Variants in TNFRSF21 observed in about 807,000 individuals in gnomAD.
TNFRSF21 encodes TNF receptor superfamily member 21, also known as tumor necrosis factor receptor superfamily member 21.
Under a neutral mutation model 45.6 loss-of-function variants are expected in TNFRSF21, and 19 were observed. The observed-to-expected ratio is 0.42, with a 90% CI of 0.29 to 0.61. TNFRSF21 has a LOEUF of 0.61. Ranked by LOEUF, TNFRSF21 falls within the 20% of genes least tolerant of loss-of-function variation. The probability of loss-of-function intolerance (pLI) is 0.23; values close to 1 mark genes in which losing one functional copy is unlikely to be tolerated. For missense variants in TNFRSF21, 737 were observed against 851.5 expected, an observed-to-expected ratio of 0.87 and a Z score of 1.67; for synonymous variants, 314 against 335.5, an observed-to-expected ratio of 0.94 and a Z score of 0.70.
At chr6:47,290,518 T>C (rs12214019) in intron 1 of TNFRSF21, among the ~76,000 whole-genome samples, 4 of 151,758 alleles carry the variant, frequency 2.6e-5, no homozygotes, top group Non-Finnish European at 5.9e-5. Flanking sequence ...AAAACCCACC[T>C]CCAAACCCCA....
chr6:47,301,402 T>C (rs1561953760), intron 1 of TNFRSF21, among the ~76,000 whole-genome samples: 1 of 152,224 alleles, frequency 6.6e-6, no homozygotes, highest in Non-Finnish European at 1.5e-5. Flanking sequence ...TGACCAGGTC[T>C]GCAAGGTTTA....
chr6:47,304,561 G>A (rs189336776), intron 1 of TNFRSF21, among the ~76,000 whole-genome samples: 101 of 152,316 alleles, frequency 6.6e-4, no homozygotes, highest in African/African-American at 2.0e-3. Flanking sequence ...CATACCTGGA[G>A]AAAAGGACTG....
intron 1 of TNFRSF21, among the ~76,000 whole-genome samples, chr6:47,304,354 C>A (rs927638904): frequency 2.6e-5 from 4 of 151,878 alleles, no homozygotes; most frequent in Non-Finnish European, 5.9e-5. Context: ...TATGAAGGAC[C>A]AGCTGAACAC....
At chr6:47,260,692 A>G (rs1765063334) in intron 3 of TNFRSF21, among the ~76,000 whole-genome samples, 1 of 152,232 alleles carries the variant, frequency 6.6e-6, no homozygotes, top group Non-Finnish European at 1.5e-5. Context: ...GATGAGGTAT[A>G]AAGGACAGTG....
At chr6:47,234,988 T>C in intron 4 of TNFRSF21, 90 bp from the exon 5 acceptor site, 4 of 722,840 alleles carry the variant, frequency 5.5e-6, no homozygotes, top group Non-Finnish European at 8.1e-6. Context: ...TTTTGTTCCA[T>C]TTAACATTTT....
At chr6:47,273,472 T>TC (rs1762455834) in intron 3 of TNFRSF21, among the ~76,000 whole-genome samples, 2 of 152,168 alleles carry the variant, frequency 1.3e-5, no homozygotes, top group African/African-American at 4.8e-5. Flanking sequence ...CGCTTCATGC[T>TC]AAAAAATCTC....
intron 3 of TNFRSF21, among the ~76,000 whole-genome samples, chr6:47,281,957 T>C (rs925615489): frequency 6.6e-6 from 1 of 152,166 alleles, no homozygotes; most frequent in African/African-American, 2.4e-5. Context: ...GATGTTTGCC[T>C]CTGCCCGACT....
intron 1 of TNFRSF21, among the ~76,000 whole-genome samples, chr6:47,298,212 G>T (rs1304813658): frequency 6.7e-6 from 1 of 149,980 alleles, no homozygotes; most frequent in East Asian, 2.0e-4. Context: ...AGGGCAAGGA[G>T]AGAGGATTGC....
intron 1 of TNFRSF21, among the ~76,000 whole-genome samples, chr6:47,303,796 T>C (rs994918733): frequency 1.3e-5 from 2 of 152,242 alleles, no homozygotes; most frequent in Non-Finnish European, 2.9e-5. Flanking sequence ...TTTTATTTTT[T>C]GGTATTTGAC....
intron 3 of TNFRSF21, among the ~76,000 whole-genome samples, chr6:47,279,654 A>G (rs540257952): frequency 6.6e-6 from 1 of 152,214 alleles, no homozygotes; most frequent in South Asian, 2.1e-4. Flanking sequence ...ACCCCATTAC[A>G]TTGAGGTTAT....
chr6:47,254,474 A>G (rs1158275863), intron 3 of TNFRSF21, among the ~76,000 whole-genome samples: 1 of 152,254 alleles, frequency 6.6e-6, no homozygotes, highest in Non-Finnish European at 1.5e-5. Context: ...ACTAAATACA[A>G]TAGTAACCAA....
intron 1 of TNFRSF21, among the ~76,000 whole-genome samples, chr6:47,298,887 C>A (rs2113869695): frequency 6.6e-6 from 1 of 152,310 alleles, no homozygotes; most frequent in Non-Finnish European, 1.5e-5. Context: ...GCAGGCCCTG[C>A]AGGACAGCTG....
intron 4 of TNFRSF21, among the ~76,000 whole-genome samples, chr6:47,240,015 G>C (rs1297772213): frequency 6.6e-6 from 1 of 152,118 alleles, no homozygotes; most frequent in Non-Finnish European, 1.5e-5. Flanking sequence ...TAATGACTTT[G>C]ATGCATCAGC....
At chr6:47,282,887 G>A (rs1009274358) in intron 3 of TNFRSF21, among the ~76,000 whole-genome samples, 1 of 151,904 alleles carries the variant, frequency 6.6e-6, no homozygotes, top group Admixed American at 6.6e-5. Flanking sequence ...CTGTCCTTCT[G>A]TTATTTTCAA....
chr6:47,308,259 A>G (rs1021030788), intron 1 of TNFRSF21, among the ~76,000 whole-genome samples: 9 of 152,236 alleles, frequency 5.9e-5, no homozygotes, highest in Admixed American at 1.3e-4. Flanking sequence ...AGCAACTGCA[A>G]TGTCCTGAGA....
intron 4 of TNFRSF21, among the ~76,000 whole-genome samples, chr6:47,245,456 GTT>G (rs1455479252): frequency 3.3e-3 from 403 of 122,876 alleles, no homozygotes; most frequent in African/African-American, 0.013. Flanking sequence ...GTGTGTGTGT[GTT>G]TGTGTGTGTG....
At chr6:47,245,592 T>C (rs1295934770) in intron 4 of TNFRSF21, among the ~76,000 whole-genome samples, 2 of 152,104 alleles carry the variant, frequency 1.3e-5, no homozygotes, top group Non-Finnish European at 2.9e-5. Flanking sequence ...AATTCTATGA[T>C]GCATATTTTT....
intron 4 of TNFRSF21, among the ~76,000 whole-genome samples, chr6:47,238,430 T>A (rs1226787353): frequency 6.6e-6 from 1 of 152,202 alleles, no homozygotes. Context: ...TAATCCTAAC[T>A]TGGAAGACTC....
At chr6:47,308,434 A>C (rs1762969577) in intron 1 of TNFRSF21, among the ~76,000 whole-genome samples, 1 of 152,172 alleles carries the variant, frequency 6.6e-6, no homozygotes, top group South Asian at 2.1e-4. Context: ...CAGTGATAAA[A>C]GATAGGCAAG....
Sources: allele counts gnomAD v4.1 joint callset (sites outside exome capture counted in the v4.1 genomes callset), GRCh38; gene constraint gnomAD v4.1.1; transcripts MANE v1.5; gene names NCBI Gene and HGNC (gene_info 2026-07-23, HGNC 2026-07-21).